The following SLC44A5 variants were observed in gnomAD, a reference collection of about 807,000 sequenced individuals.
SLC44A5 encodes choline transporter-like protein 5.
In SLC44A5, 57 loss-of-function variants were observed where a neutral mutation model predicts 101.8. The observed-to-expected ratio is 0.56, with a 90% CI of 0.45 to 0.70. The LOEUF is 0.70. SLC44A5 is among the 30% of genes least tolerant of loss of function. The pLI, the probability that SLC44A5 is intolerant of heterozygous loss-of-function variation, is 0.00. For missense variants in SLC44A5, 737 were observed against 853.1 expected (o/e 0.86, Z 1.70); for synonymous variants, 281 against 290.9 (o/e 0.97, Z 0.35).
intron 1 of SLC44A5, among the ~76,000 whole-genome samples, chr1:75,601,657 G>T (rs1226560255): frequency 6.6e-6 from 1 of 152,068 alleles, no homozygotes; most frequent in Non-Finnish European, 1.5e-5. Context: ...AATAACACAA[G>T]CTGGGTAAAG....
intron 17 of SLC44A5, among the ~76,000 whole-genome samples, 197 bp from the exon 18 acceptor site, chr1:75,218,157 C>T (rs1204793873): frequency 1.3e-5 from 2 of 152,048 alleles, no homozygotes; most frequent in Admixed American, 1.3e-4. Flanking sequence ...CCTTTATCAG[C>T]ATAAATGACA....
At chr1:75,234,130 A>C in intron 11 of SLC44A5, 32 bp from the exon 12 acceptor site, 1 of 1,488,124 alleles carries the variant, frequency 6.7e-7, no homozygotes, top group Non-Finnish European at 9.4e-7. Context: ...CACAGTGGTC[A>C]AGTGTGCTAA....
chr1:75,537,020 AAAAAAAAAAAAAAATAT>A lies in SLC44A5; in HGVS notation c.13+4398_13+4414del, dbSNP rs1318688919. 6.7e-3 allele frequency among the ~76,000 whole-genome samples: 303 copies of A among 45,508 alleles called. 19 individuals are homozygous for A. Among genetic ancestry groups the A allele is most frequent in the Admixed American group, 0.014 (49 of 3,474 alleles). The allele number at this position is 45,508 out of a possible 152,430, so 29.9% of individuals were successfully genotyped here. A position where few individuals can be genotyped will look rare whatever the true frequency, so the allele number is the denominator to read the frequency against. On this transcript the variant is annotated intron_variant, in intron 2 of 23. Transcript: ENST00000370859. ...GACTCCATCTCAAAAAAAAAAAAAA[AAAAAAAAAAAAAAATAT>A]ATATCTATGCCAAATGATTCTGAAT...
intron 2 of SLC44A5, among the ~76,000 whole-genome samples, chr1:75,436,855 A>G (rs1664919007): frequency 6.6e-6 from 1 of 152,008 alleles, no homozygotes; most frequent in Admixed American, 6.6e-5. Context: ...TAAATTTTTT[A>G]TTGCTTTTTT....
At chr1:75,208,337 T>G (rs977766412) in intron 23 of SLC44A5, among the ~76,000 whole-genome samples, 7 of 152,094 alleles carry the variant, frequency 4.6e-5, no homozygotes, top group African/African-American at 1.7e-4. Context: ...TTTTGTATTA[T>G]TTGTAGAGAC....
intron 3 of SLC44A5, among the ~76,000 whole-genome samples, chr1:75,390,583 T>C (rs1661719164): frequency 6.6e-6 from 1 of 152,128 alleles, no homozygotes. Flanking sequence ...ATCATCTCAA[T>C]AGATGCAAAG....
chr1:75,214,529 A>G, intron 20 of SLC44A5, 76 bp downstream of exon 20: 1 of 1,164,450 alleles, frequency 8.6e-7, no homozygotes, highest in Non-Finnish European at 1.2e-6. Flanking sequence ...CAACACTTTA[A>G]ATAACAACAT....
intron 4 of SLC44A5, among the ~76,000 whole-genome samples, chr1:75,325,347 G>T (rs1318617801): frequency 3.3e-5 from 5 of 151,928 alleles, no homozygotes; most frequent in African/African-American, 1.2e-4. Flanking sequence ...TTGCCCTATA[G>T]GTACTGATGG....
At chr1:75,637,844 C>T in the SLC44A5 span, among the ~76,000 whole-genome samples, 8 of 151,952 alleles carry the variant, frequency 5.3e-5, no homozygotes, top group African/African-American at 1.9e-4. Context: ...TATACACAGA[C>T]ATGCCTTTAA....
chr1:75,280,708 T>G (rs557032597), intron 5 of SLC44A5, among the ~76,000 whole-genome samples: 2 of 151,344 alleles, frequency 1.3e-5, no homozygotes, highest in African/African-American at 4.8e-5. Flanking sequence ...CTCATGATAG[T>G]GAGTGAGTTC....
In SLC44A5 at chr1:75,517,499, C is replaced by T. The variant is rs184268340; in HGVS notation, c.13+23936G>A. 3.6e-4 allele frequency among the ~76,000 whole-genome samples: 55 copies of T among 151,730 alleles called. 1 individual carries two copies. The highest frequency in any genetic ancestry group is 1.3e-3 in the African/African-American group (54 of 41,368). On this transcript the variant is annotated intron_variant, in intron 2 of 23. Transcript: ENST00000370859. ...TCAAACAGCCCCAAAAAAACAAAAG[C>T]GGGAAAGCAAAAGGCGGGAAGAAAA... is the stretch of plus-strand genomic sequence containing the variant.
intron 1 of SLC44A5, among the ~76,000 whole-genome samples, chr1:75,590,914 C>T (rs1674316500): frequency 6.6e-6 from 1 of 152,256 alleles, no homozygotes; most frequent in East Asian, 1.9e-4. Flanking sequence ...GCTTTGCCAC[C>T]TGCTGGTTTT....
chr1:75,580,960 T>C (rs1673663740), intron 1 of SLC44A5, among the ~76,000 whole-genome samples: 1 of 152,182 alleles, frequency 6.6e-6, no homozygotes, highest in African/African-American at 2.4e-5. Context: ...AATTAGTGCC[T>C]GTGGAGAAGA....
At chr1:75,332,613 G>A (rs977673117) in intron 4 of SLC44A5, among the ~76,000 whole-genome samples, 5 of 152,106 alleles carry the variant, frequency 3.3e-5, no homozygotes, top group African/African-American at 1.2e-4. Flanking sequence ...AGCATTGGAG[G>A]GGTGGTAAGT....
intron 3 of SLC44A5, among the ~76,000 whole-genome samples, chr1:75,352,964 A>G (rs1283587408): frequency 6.6e-6 from 1 of 152,092 alleles, no homozygotes; most frequent in Non-Finnish European, 1.5e-5. Flanking sequence ...ATCATCATTT[A>G]TTTGCTTTTC....
intron 23 of SLC44A5, chr1:75,206,725 T>A (rs778795254): frequency 3.9e-6 from 6 of 1,528,484 alleles, no homozygotes; most frequent in Non-Finnish European, 4.5e-6. Context: ...TTCACCTGTA[T>A]ATGCAGCAGC....
chr1:75,712,713 A>AACC, the SLC44A5 span, among the ~76,000 whole-genome samples: 2 of 110,642 alleles, frequency 1.8e-5, no homozygotes, highest in Non-Finnish European at 3.5e-5. Context: ...AAAAAAAAAA[A>AACC]ATGGAAAAGA....
chr1:75,360,826 T>A, intron 3 of SLC44A5, among the ~76,000 whole-genome samples: 1 of 152,310 alleles, frequency 6.6e-6, no homozygotes, highest in African/African-American at 2.4e-5. Context: ...TTAACAATTG[T>A]TTATCTCTAT....
At chr1:75,692,179 G>A in the SLC44A5 span, among the ~76,000 whole-genome samples, 2 of 143,782 alleles carry the variant, frequency 1.4e-5, no homozygotes, top group African/African-American at 5.2e-5. Flanking sequence ...GAGAAAAGAT[G>A]GGATTCTTTT....
Sources: allele counts gnomAD v4.1 joint callset (sites outside exome capture counted in the v4.1 genomes callset), GRCh38; gene constraint gnomAD v4.1.1; transcripts MANE v1.5; gene names NCBI Gene and HGNC (gene_info 2026-07-23, HGNC 2026-07-21).